The following NEK11 variants were observed in gnomAD, a reference collection of about 807,000 sequenced individuals.
The protein encoded by NEK11 is serine/threonine-protein kinase Nek11.
Under a neutral mutation model 80.7 loss-of-function variants are expected in NEK11, and 72 were observed. That is an observed-to-expected ratio of 0.89 (90% CI 0.74 to 1.08). The LOEUF (loss-of-function observed/expected upper bound fraction) is 1.08, where lower values mean the gene tolerates loss of function less well. Ranked by LOEUF, NEK11 falls within the 50% of genes least tolerant of loss-of-function variation. The probability of loss-of-function intolerance (pLI) is 0.00; values close to 1 mark genes in which losing one functional copy is unlikely to be tolerated. For synonymous variants in NEK11, 251 were observed against 260.7 expected (o/e 0.96, Z 0.36); for missense variants, 764 against 763.6 (o/e 1.00, Z -0.01).
At chr3:131,308,667 A>C in intron 17 of NEK11, among the ~76,000 whole-genome samples, 1 of 152,194 alleles carries the variant, frequency 6.6e-6, no homozygotes, top group East Asian at 1.9e-4. Flanking sequence ...ATTCTTTGTA[A>C]CAGAGTCCTT....
chr3:131,135,656 T>G (rs1408171293), intron 7 of NEK11, among the ~76,000 whole-genome samples: 1 of 152,158 alleles, frequency 6.6e-6, no homozygotes, highest in Non-Finnish European at 1.5e-5. Context: ...ATATATCTCT[T>G]TACATTTAAT....
intron 3 of NEK11, among the ~76,000 whole-genome samples, chr3:131,034,744 G>C (rs918899836): frequency 3.9e-5 from 6 of 152,214 alleles, no homozygotes; most frequent in African/African-American, 9.6e-5. Context: ...AACTGAAGCA[G>C]TAGGAGATAA....
intron 3 of NEK11, among the ~76,000 whole-genome samples, chr3:131,049,893 G>A (rs944095839): frequency 6.6e-6 from 1 of 150,784 alleles, no homozygotes; most frequent in African/African-American, 2.4e-5. Flanking sequence ...AAAAAAAGTT[G>A]TTGCTTGTGA....
chr3:131,241,173 AG>A (rs1428793356), intron 15 of NEK11, among the ~76,000 whole-genome samples: 2 of 152,152 alleles, frequency 1.3e-5, no homozygotes, highest in East Asian at 3.9e-4. Flanking sequence ...TGGGAAGTGC[AG>A]GAGTGTAGAG....
At chr3:131,275,548 T>C (rs2108736860) in intron 17 of NEK11, among the ~76,000 whole-genome samples, 1 of 152,280 alleles carries the variant, frequency 6.6e-6, no homozygotes, top group Admixed American at 6.5e-5. Context: ...GCTACTGCAG[T>C]TTGGGTTACT....
At position 131,251,031 on chromosome 3, in the gene NEK11, G is replaced by T. The variant is rs2095690719; in HGVS notation, c.1621+7535G>T. ...AAAGATGGAGGGAAGAAAAATATTT[G>T]TAAGTGTATGTGTGCATCTGTGTGT... On this transcript the variant is annotated intron_variant, in intron 16 of 17. Coordinates refer to ENST00000383366, the MANE Select transcript of NEK11 (RefSeq NM_024800.5). Among the ~76,000 whole-genome samples the T allele has an allele frequency of 2.0e-5, 3 of 151,802 alleles. No homozygotes were observed. In the South Asian group the frequency reaches 6.2e-4, roughly 31 times the overall value.
intron 12 of NEK11, among the ~76,000 whole-genome samples, chr3:131,168,550 G>A (rs939495150): frequency 1.1e-4 from 17 of 151,312 alleles, no homozygotes; most frequent in African/African-American, 4.1e-4. Flanking sequence ...TAGAGACGGG[G>A]TTTCACCGTT....
At chr3:131,334,226 C>G (rs926550307) in intron 17 of NEK11, among the ~76,000 whole-genome samples, 1 of 152,136 alleles carries the variant, frequency 6.6e-6, no homozygotes, top group Non-Finnish European at 1.5e-5. Context: ...AAGTAAAGCT[C>G]TCCTCAGCAA....
chr3:131,036,358 G>T (rs2065648129), intron 3 of NEK11, among the ~76,000 whole-genome samples: 1 of 152,220 alleles, frequency 6.6e-6, no homozygotes. Context: ...ACAATATTTA[G>T]AAAGTACAGA....
chr3:131,203,921 T>G (rs561519808), intron 14 of NEK11, among the ~76,000 whole-genome samples: 3 of 151,078 alleles, frequency 2.0e-5, no homozygotes, highest in African/African-American at 7.3e-5. Flanking sequence ...CCCTCCTTTC[T>G]CTCACCTACA....
At chr3:131,310,173 T>C (rs1290077995) in intron 17 of NEK11, among the ~76,000 whole-genome samples, 1 of 152,120 alleles carries the variant, frequency 6.6e-6, no homozygotes, top group African/African-American at 2.4e-5. Flanking sequence ...AGTGAATAGA[T>C]GAATGAATGA....
rs139509630 is a variant in NEK11, at chr3:131,040,299, G to GAA, written c.170+10430_170+10431dup. 6.1e-5 allele frequency among the ~76,000 whole-genome samples: 9 copies of GAA among 147,684 alleles called. No individual in the cohort carries two copies. In the South Asian group the frequency reaches 8.6e-4, roughly 14 times the overall value. On this transcript the variant is annotated intron_variant, in intron 3 of 17. Transcript: ENST00000383366. The stretch of plus-strand genomic sequence containing the variant: ...GCTGTATTTATTTGGGTAGTTATAT[G>GAA]AAAAAAAAAACACCCAAAGTTTTAG...
intron 4 of NEK11, chr3:131,092,920 G>A (rs375139004): frequency 2.0e-5 from 3 of 152,162 alleles, no homozygotes; most frequent in African/African-American, 7.2e-5. Flanking sequence ...TGCTGCCAAA[G>A]CAAGCACAAT....
chr3:131,272,529 G>A (rs1018162219), intron 16 of NEK11, among the ~76,000 whole-genome samples: 2 of 128,892 alleles, frequency 1.6e-5, no homozygotes, highest in Admixed American at 9.4e-5. Context: ...AGGCTGGAGT[G>A]CCGTGGTGCG....
intron 17 of NEK11, among the ~76,000 whole-genome samples, chr3:131,332,664 A>C (rs1212626794): frequency 2.0e-5 from 3 of 152,148 alleles, no homozygotes; most frequent in Non-Finnish European, 4.4e-5. Flanking sequence ...TGATCAAAAT[A>C]CTCCGAGCTA....
At chr3:131,062,968 G>C (rs1162915860) in intron 3 of NEK11, among the ~76,000 whole-genome samples, 1 of 152,212 alleles carries the variant, frequency 6.6e-6, no homozygotes, top group Non-Finnish European at 1.5e-5. Context: ...AGCTGATGAA[G>C]ATAATCTCTC....
intron 16 of NEK11, among the ~76,000 whole-genome samples, chr3:131,262,122 A>G (rs1581062530): frequency 6.6e-6 from 1 of 152,316 alleles, no homozygotes; most frequent in East Asian, 1.9e-4. Flanking sequence ...AAAGAAATAA[A>G]AAGGATTGTA....
chr3:131,295,197 G>A (rs1452587649), intron 17 of NEK11, among the ~76,000 whole-genome samples: 1 of 151,790 alleles, frequency 6.6e-6, no homozygotes, highest in African/African-American at 2.4e-5. Flanking sequence ...TTTTTAAACA[G>A]GGAAAATAAA....
chr3:131,202,187 G>C (rs1433985232), intron 14 of NEK11, among the ~76,000 whole-genome samples: 1 of 152,150 alleles, frequency 6.6e-6, no homozygotes, highest in Non-Finnish European at 1.5e-5. Context: ...CAACGCAGAA[G>C]ACAGGTGATT....
Sources: gnomAD v4.1 joint callset for allele counts (sites outside exome capture counted in the v4.1 genomes callset) on GRCh38, gnomAD v4.1.1 for gene constraint, MANE v1.5 for transcripts, NCBI Gene and HGNC (gene_info 2026-07-23, HGNC 2026-07-21) for gene names.